Variants in DNAJB13 observed in about 807,000 individuals in gnomAD.
DNAJB13 encodes dnaJ homolog subfamily B member 13.
DNAJB13 carries 22 observed loss-of-function variants against 35.6 expected under a neutral mutation model. The ratio of observed to expected loss-of-function variants is 0.62; its 90% CI spans 0.44 to 0.88. The LOEUF is 0.88. Ranked by LOEUF, DNAJB13 falls within the 40% of genes least tolerant of loss-of-function variation. DNAJB13 has a pLI of 0.00. For missense variants in DNAJB13, 370 were observed against 384.3 expected (o/e 0.96, Z 0.31); for synonymous variants, 136 against 144.2 (o/e 0.94, Z 0.41).
At chr11:73,965,057 C>G in intron 4 of DNAJB13, 22 bp downstream of exon 4, 10 of 1,539,354 alleles carry the variant, frequency 6.5e-6, no homozygotes, top group Non-Finnish European at 8.7e-6. Flanking sequence ...GCTTGCTCCT[C>G]CCGGGAGCCA....
At chr11:73,961,370 C>T (rs1244522038) in intron 3 of DNAJB13, among the ~76,000 whole-genome samples, 2 of 152,210 alleles carry the variant, frequency 1.3e-5, no homozygotes, top group African/African-American at 2.4e-5. Flanking sequence ...CTTCCAAGAA[C>T]ACCACCTCTA....
chr11:73,968,697 C>T (rs775572125), intron 6 of DNAJB13, among the ~76,000 whole-genome samples: 2 of 152,202 alleles, frequency 1.3e-5, no homozygotes, highest in Non-Finnish European at 2.9e-5. Context: ...AGGCTCTTCT[C>T]CTTAGGGATC....
At chr11:73,958,202 A>C in intron 1 of DNAJB13, 115 bp from the exon 2 acceptor site, 1 of 1,036,066 alleles carries the variant, frequency 9.7e-7, no homozygotes, top group Non-Finnish European at 1.5e-6. Flanking sequence ...ACAGCTGGTG[A>C]AGTCACCCCG....
At chr11:73,961,776 C>T (rs1950938973) in intron 3 of DNAJB13, among the ~76,000 whole-genome samples, 1 of 152,214 alleles carries the variant, frequency 6.6e-6, no homozygotes, top group African/African-American at 2.4e-5. Context: ...CAAGTGCCAG[C>T]ATGGCTACCA....
At chr11:73,965,981 C>A (rs1348845422) in intron 4 of DNAJB13, 157 bp from the exon 5 acceptor site, 3 of 681,502 alleles carry the variant, frequency 4.4e-6, no homozygotes, top group African/African-American at 1.8e-5. Context: ...GCTGGAGGCT[C>A]TTCCCATTGC....
chr11:73,965,322 C>T (rs1951079877), intron 4 of DNAJB13: 1 of 265,180 alleles, frequency 3.8e-6, no homozygotes, highest in Admixed American at 4.8e-5. Flanking sequence ...CCCGTGGGAA[C>T]TGGAAAGGCT....
chr11:73,969,177 A>T, intron 6 of DNAJB13, 69 bp from the exon 7 acceptor site: 1 of 732,048 alleles, frequency 1.4e-6, no homozygotes, highest in Non-Finnish European at 2.3e-6. Context: ...CAGGTTCCTA[A>T]GGTGCCTTCT....
chr11:73,968,474 G>T lies in DNAJB13; in HGVS notation c.720+16G>T. 1.2e-6 allele frequency: 2 copies of T among 1,608,036 alleles called. No individual in the cohort carries two copies. The highest frequency in any genetic ancestry group is 1.7e-6 in the Non-Finnish European group (2 of 1,175,422). On this transcript the variant is annotated intron_variant, in intron 6 of 7. Coordinates refer to ENST00000339764, the MANE Select transcript of DNAJB13 (RefSeq NM_153614.4). ...TCTTGGCAAGGTGAGTGGGCAAAGT[G>T]CAGGAGCAGCGGGGAGGAGATCAGA... is the stretch of plus-strand genomic sequence containing the variant.
chr11:73,966,656 T>TTTTA (rs1474004686), intron 5 of DNAJB13, among the ~76,000 whole-genome samples: 3 of 151,834 alleles, frequency 2.0e-5, no homozygotes, highest in African/African-American at 7.3e-5. Flanking sequence ...ATCATAATAA[T>TTTTA]TTTATTTATT....
chr11:73,959,699 A>G (rs978171857), intron 3 of DNAJB13, 44 bp downstream of exon 3: 2 of 1,578,688 alleles, frequency 1.3e-6, no homozygotes, highest in African/African-American at 1.4e-5. Context: ...GAGAAAGGAC[A>G]CTGCTATAAG....
At chr11:73,966,845 ATT>A (rs770257573) in intron 5 of DNAJB13, among the ~76,000 whole-genome samples, 1 of 98,220 alleles carries the variant, frequency 1.0e-5, no homozygotes, top group African/African-American at 4.7e-5. Flanking sequence ...CGCCCAGCTA[ATT>A]TTTTTTTTTT....
chr11:73,958,880 A>C (rs1950839604), intron 2 of DNAJB13, among the ~76,000 whole-genome samples: 1 of 152,298 alleles, frequency 6.6e-6, no homozygotes, highest in East Asian at 1.9e-4. Context: ...AGTAATTAGG[A>C]AATCTGTCTC....
intron 3 of DNAJB13, among the ~76,000 whole-genome samples, chr11:73,963,291 G>C (rs187278066): frequency 5.7e-4 from 86 of 151,874 alleles, no homozygotes; most frequent in African/African-American, 2.0e-3. Context: ...GTTGTGGTGA[G>C]CCGAGATTGC....
intron 1 of DNAJB13, among the ~76,000 whole-genome samples, chr11:73,951,587 G>A (rs181346094): frequency 6.6e-6 from 1 of 152,306 alleles, no homozygotes; most frequent in Admixed American, 6.5e-5. Context: ...TCTTAAGGAC[G>A]TTCTGGCTCG....
intron 5 of DNAJB13, among the ~76,000 whole-genome samples, chr11:73,966,766 C>T (rs1443578174): frequency 2.0e-5 from 3 of 151,836 alleles, no homozygotes; most frequent in South Asian, 2.1e-4. Context: ...GCAGCCTCCA[C>T]CTCCTGGATT....
rs948935688 is a variant in DNAJB13 at position 73,951,654 on chromosome 11, T to G, written c.68+517T>G. ...CATTTTTCTGAAAACATGTTTTTGT[T>G]TTTTGTTTTGAGACGGAGTCTTGGT... On this transcript the variant is annotated intron_variant, in intron 1 of 7. Transcript: ENST00000339764. Among the ~76,000 whole-genome samples the G allele has an allele frequency of 2.0e-5, 3 of 152,316 alleles. No homozygotes were observed. The East Asian group carries it at 5.8e-4, about 29-fold the overall frequency.
chr11:73,961,447 G>T (rs1281389815), intron 3 of DNAJB13, among the ~76,000 whole-genome samples: 1 of 152,172 alleles, frequency 6.6e-6, no homozygotes, highest in Admixed American at 6.5e-5. Context: ...AAATGTCACC[G>T]TTGCATTCCA....
At chr11:73,951,666 G>A (rs572858143) in intron 1 of DNAJB13, among the ~76,000 whole-genome samples, 1 of 152,242 alleles carries the variant, frequency 6.6e-6, no homozygotes, top group East Asian at 1.9e-4. Flanking sequence ...TTTGTTTTGA[G>A]ACGGAGTCTT....
Position 73,965,018 on chromosome 11 carries a change from A to T in DNAJB13, c.475A>T (p.Ile159Phe). 6.3e-7 allele frequency: 1 copy of T among 1,593,928 alleles called. No homozygotes were observed. The highest frequency in any genetic ancestry group is 1.8e-5 in the Admixed American group (1 of 55,480). Reference protein sequence around the residue: ...EDLFFGCTKKIKISRRVLNED... With the variant: ...EDLFFGCTKKFKISRRVLNED... ...CTTATTCTTTGGCTGCACCAAAAAAATTAAGATCTCCAGAAGGGTGAGTAC... is the reference window on the plus strand; with the variant it reads ...CTTATTCTTTGGCTGCACCAAAAAATTTAAGATCTCCAGAAGGGTGAGTAC... Residue 159 changes from isoleucine to phenylalanine, a missense_variant, in exon 4 of 8, where the codon ATT becomes TTT. By Grantham distance (21) the Ile-to-Phe change is conservative (BLOSUM62 0). Transcript: ENST00000339764.
Sources: gnomAD v4.1 joint callset for allele counts (sites outside exome capture counted in the v4.1 genomes callset) on GRCh38, gnomAD v4.1.1 for gene constraint, MANE v1.5 for transcripts, NCBI Gene and HGNC (gene_info 2026-07-23, HGNC 2026-07-21) for gene names.